The following WASHC5 variants were observed in gnomAD, a reference collection of about 807,000 sequenced individuals.
The protein encoded by WASHC5 is WASH complex subunit 5.
In WASHC5, 101 loss-of-function variants were observed where a neutral mutation model predicts 150.4. That is an observed-to-expected ratio of 0.67 (90% CI 0.57 to 0.79). The LOEUF (loss-of-function observed/expected upper bound fraction) is 0.79. WASHC5 is among the 30% of genes least tolerant of loss of function. The pLI, the probability that WASHC5 is intolerant of heterozygous loss-of-function variation, is 0.00. For synonymous variants in WASHC5, 467 were observed against 491.2 expected (o/e 0.95, Z 0.65); for missense variants, 1,195 against 1,396.3 (o/e 0.86, Z 2.30).
At chr8:125,041,732 C>A (rs1364371361) in intron 23 of WASHC5, among the ~76,000 whole-genome samples, 1 of 152,044 alleles carries the variant, frequency 6.6e-6, no homozygotes, top group Non-Finnish European at 1.5e-5. Flanking sequence ...ATTAAATGAC[C>A]TCAGATGTAT....
At chr8:125,047,444 GTT>G (rs796685951) in intron 19 of WASHC5, 113 bp from the exon 20 acceptor site, 307 of 860,492 alleles carry the variant, frequency 3.6e-4, no homozygotes, top group Non-Finnish European at 4.2e-4. Context: ...AATAAAGGTT[GTT>G]TTTTTTTTTT....
In WASHC5 at chr8:125,056,716, G is replaced by C; in HGVS notation, c.1977C>G (p.Asp659Glu). 6.2e-7 allele frequency: 1 copy of C among 1,614,156 alleles called. No homozygotes were observed. The highest frequency in any genetic ancestry group is 1.6e-4 in the Middle Eastern group (1 of 6,062). ...CTAGCTGAGCATAGTCCCTCAGCTT[G>C]TCTTTGTCCAGGCGGGTAGGCACTT... Reference protein sequence around the residue: ...IIEVPTRLDKDKLRDYAQLGP... With the variant: ...IIEVPTRLDKEKLRDYAQLGP... The change falls in exon 16 of 29, where the codon GAC (aspartate) becomes GAG (glutamate). Residue 659 changes from aspartate (D) to glutamate (E), a missense_variant. Asp to Glu is a conservative substitution (Grantham distance 45). Transcript: ENST00000318410.
chr8:125,089,586 T>C (rs1461957108), intron 1 of WASHC5, among the ~76,000 whole-genome samples: 1 of 152,158 alleles, frequency 6.6e-6, no homozygotes, highest in Non-Finnish European at 1.5e-5. Flanking sequence ...TGGGATACCA[T>C]GACAGGGCAA....
At chr8:125,075,885 A>G (rs1817045757) in intron 7 of WASHC5, among the ~76,000 whole-genome samples, 2 of 152,254 alleles carry the variant, frequency 1.3e-5, no homozygotes, top group Admixed American at 1.3e-4. Flanking sequence ...AACAATGCTT[A>G]CAAAGGTACA....
intron 17 of WASHC5, among the ~76,000 whole-genome samples, chr8:125,052,234 C>T (rs1361612892): frequency 1.3e-5 from 2 of 152,114 alleles, no homozygotes; most frequent in African/African-American, 2.4e-5. Context: ...AGAAATATTC[C>T]TTACAAGAAC....
Position 125,024,706 on chromosome 8 carries a change from G to A in WASHC5, c.3424-33C>T, listed in dbSNP as rs562865800. The A allele has an allele frequency of 4.1e-6, 6 of 1,445,964 alleles. No individual in the cohort carries two copies. In the South Asian group the frequency reaches 4.6e-5, roughly 11 times the overall value. The allele number at this position is 1,445,964 out of a possible 1,614,324, so 89.6% of individuals were successfully genotyped here. ...ATTAAAGAATTAAATTATTCATGGTGTTATAGTTGAACAATTACAAAATTT... is the reference window on the plus strand; with the variant it reads ...ATTAAAGAATTAAATTATTCATGGTATTATAGTTGAACAATTACAAAATTT... On this transcript the variant is annotated intron_variant, in intron 28 of 28. Transcript: ENST00000318410.
chr8:125,058,948 T>C (rs1816500303), intron 14 of WASHC5, among the ~76,000 whole-genome samples: 1 of 152,168 alleles, frequency 6.6e-6, no homozygotes. Flanking sequence ...CTCACATTTT[T>C]AGTACACAGA....
chr8:125,049,088 C>T lies in WASHC5; in HGVS notation c.2297G>A (p.Gly766Asp). Residue 766 changes from glycine (G) to aspartate (D), a missense_variant, in exon 19 of 29, where the codon GGT becomes GAT. By Grantham distance (94) the Gly-to-Asp change is moderately conservative. Around this residue, in one of 3 missense-constraint regions of WASHC5, gnomAD observed 997 missense variants for 1,168.1 expected, o/e 0.85. Coordinates refer to ENST00000318410, the MANE Select transcript of WASHC5 (RefSeq NM_014846.4). Reference protein sequence around the residue: ...EYIQDYVNIYGLKIWQEEVSR... With the variant: ...EYIQDYVNIYDLKIWQEEVSR... ...TACTTCTTCCTGCCAAATCTTCAGA[C>T]CATAAATGTTGACATAGTCCTGTAT... 6.2e-7 allele frequency: 1 copy of T among 1,613,900 alleles called. No homozygotes were observed. The highest frequency in any genetic ancestry group is 8.5e-7 in the Non-Finnish European group (1 of 1,179,892).
At chr8:125,061,227 C>G (rs1356432323) in intron 11 of WASHC5, 33 bp from the exon 12 acceptor site, 1 of 1,119,186 alleles carries the variant, frequency 8.9e-7, no homozygotes, top group African/African-American at 1.5e-5. Flanking sequence ...ATACTGAAAT[C>G]CTCGAATTCC....
chr8:125,086,548 A>T lies in WASHC5; in HGVS notation c.-124-2526T>A, dbSNP rs181383272. ...CATTTTAACTTAACCACCGCCTTAA[A>T]AATCCTGTCTCCAAATATAGTCACA... is the stretch of plus-strand genomic sequence containing the variant. On this transcript the variant is annotated intron_variant, in intron 1 of 28. Coordinates refer to ENST00000318410, the MANE Select transcript of WASHC5 (RefSeq NM_014846.4). Among the ~76,000 whole-genome samples, 463 of 152,318 alleles carry T rather than the reference A, an allele frequency of 3.0e-3. 3 individuals carry two copies. Among genetic ancestry groups the T allele is most frequent in the African/African-American group, 0.011 (443 of 41,556 alleles).
chr8:125,061,155 ATTTGT>A lies in WASHC5; in HGVS notation c.1443_1447del (p.Lys481AsnfsTer7). The A allele has an allele frequency of 6.2e-7, 1 of 1,611,672 alleles. No homozygotes were observed. Among genetic ancestry groups the A allele is most frequent in the Non-Finnish European group, 8.5e-7 (1 of 1,177,918 alleles). On this transcript the variant is annotated frameshift_variant, in exon 12 of 29. Transcript: ENST00000318410. LOFTEE classifies it high-confidence loss of function. ...AGAATCATCATAATTTAAAGACAAT[ATTTGT>A]TTTGAGATCTCTCTGAACCAAGCTT...
At chr8:125,074,124 C>T (rs1215856255) in intron 8 of WASHC5, among the ~76,000 whole-genome samples, 1 of 152,146 alleles carries the variant, frequency 6.6e-6, no homozygotes, top group African/African-American at 2.4e-5. Flanking sequence ...ACATCATTAA[C>T]CTCATCAAGT....
In WASHC5 at chr8:125,082,483, C is replaced by T; in HGVS notation, c.333-16G>A. ...ATCTAGATATCTAGAAATAAAACCACAGTGCAAGTTATTAATTTATAATAG... is the reference window on the plus strand; with the variant it reads ...ATCTAGATATCTAGAAATAAAACCATAGTGCAAGTTATTAATTTATAATAG... On this transcript the variant is annotated splice_polypyrimidine_tract_variant and intron_variant, in intron 3 of 28. Coordinates refer to ENST00000318410, the MANE Select transcript of WASHC5 (RefSeq NM_014846.4). 7.8e-7 allele frequency: 1 copy of T among 1,274,298 alleles called. No individual in the cohort carries two copies. The highest frequency in any genetic ancestry group is 1.1e-6 in the Non-Finnish European group (1 of 871,336). The allele number at this position is 1,274,298 out of a possible 1,614,324, so 78.9% of individuals were successfully genotyped here.
At chr8:125,044,844 A>G (rs769197963) in intron 20 of WASHC5, 146 bp from the exon 21 acceptor site, 5 of 832,882 alleles carry the variant, frequency 6.0e-6, no homozygotes, top group Non-Finnish European at 8.1e-6. Context: ...TCAGGCACCC[A>G]ATGCGTCTTC....
At position 125,056,680 on chromosome 8, in the gene WASHC5, G is replaced by GT; in HGVS notation, c.2012dup (p.Tyr671Ter). ...LRDYAQLGPR[Y>*]EVAKLTHAIS... is the part of the protein sequence containing the mutation. ...AGAAGTCAGAGGGACACAGCACCTC[G>GT]TATCGTGGGCCTAGCTGAGCATAGT... The change falls in exon 16 of 29, where the codon TAC (tyrosine) becomes TAAC (stop). Residue 671 changes from tyrosine (Y) to a stop codon, truncating the protein, a stop_gained and frameshift_variant. Transcript: ENST00000318410. LOFTEE classifies it high-confidence loss of function. The GT allele has an allele frequency of 3.7e-6, 6 of 1,614,086 alleles. No homozygotes were observed. The highest frequency in any genetic ancestry group is 5.1e-6 in the Non-Finnish European group (6 of 1,179,950).
At position 125,038,438 on chromosome 8, in the gene WASHC5, AAG is replaced by A. The variant is rs145898887; in HGVS notation, c.3084+390_3084+391del. 3.2e-3 allele frequency among the ~76,000 whole-genome samples: 494 copies of A among 152,292 alleles called. 4 individuals are homozygous for A. The highest frequency in any genetic ancestry group is 0.012 in the African/African-American group (483 of 41,566). On this transcript the variant is annotated intron_variant, in intron 25 of 28. Coordinates refer to ENST00000318410, the MANE Select transcript of WASHC5 (RefSeq NM_014846.4). Reference sequence around the variant, plus strand: ...GTTTTCTGAGCTCACAACTGCAGGGAAGAGTTTGTAGCTTCTATGATGAGTGG... The same window carrying A: ...GTTTTCTGAGCTCACAACTGCAGGGAAGTTTGTAGCTTCTATGATGAGTGG...
At chr8:125,073,009 C>CA (rs1198534930) in intron 9 of WASHC5, 144 bp downstream of exon 9, 13 of 845,076 alleles carry the variant, frequency 1.5e-5, no homozygotes, top group Non-Finnish European at 2.3e-5. Context: ...TCCAAGTTGA[C>CA]AAAAAATGAC....
At chr8:125,071,189 G>A (rs983471533) in intron 9 of WASHC5, among the ~76,000 whole-genome samples, 6 of 152,204 alleles carry the variant, frequency 3.9e-5, no homozygotes, top group African/African-American at 1.4e-4. Flanking sequence ...ACCTCTTAGG[G>A]GTAGGGGTAT....
In WASHC5 at chr8:125,073,182, C is replaced by A. The variant is rs764120080; in HGVS notation, c.1121G>T (p.Arg374Leu). 13 of 1,614,094 alleles carry A rather than the reference C, an allele frequency of 8.1e-6. No individual in the cohort carries two copies. The highest frequency in any genetic ancestry group is 1.1e-5 in the Non-Finnish European group (13 of 1,179,996). Residue 374 changes from arginine to leucine, a missense_variant, in exon 9 of 29, where the codon CGA becomes CTA. By Grantham distance (102) the Arg-to-Leu change is moderately radical. This residue lies in a region of WASHC5 where 997 missense variants were observed against 1,168.1 expected (regional missense o/e 0.85). Coordinates refer to ENST00000318410, the MANE Select transcript of WASHC5 (RefSeq NM_014846.4). ...GTCTGCTGTATGAAGCATCAGCCAT[C>A]GGATGGCAACATTGCAGTCTCTCAG... Reference protein sequence around the residue: ...NCLRDCNVAIRWLMLHTADSA... With the variant: ...NCLRDCNVAILWLMLHTADSA...
Sources: allele counts gnomAD v4.1 joint callset (sites outside exome capture counted in the v4.1 genomes callset), GRCh38; gene constraint gnomAD v4.1.1; regional missense constraint gnomAD v4.1.1; transcripts MANE v1.5; gene names NCBI Gene and HGNC (gene_info 2026-07-23, HGNC 2026-07-21).